Variants in PCDHA7 observed in about 807,000 individuals in gnomAD.
PCDHA7 encodes the protein protocadherin alpha-7.
Under a neutral mutation model 57.2 loss-of-function variants are expected in PCDHA7, and 37 were observed. That is an observed-to-expected ratio of 0.65 (90% confidence interval 0.50 to 0.85). The LOEUF (loss-of-function observed/expected upper bound fraction) is 0.85. PCDHA7 is among the 40% of genes least tolerant of loss of function. The pLI is 0.00. For missense variants in PCDHA7, 1,188 were observed against 1,241.8 expected, an observed-to-expected ratio of 0.96 and a Z score of 0.65; for synonymous variants, 553 against 558.8, an observed-to-expected ratio of 0.99 and a Z score of 0.15.
rs1554262683 is a variant in PCDHA7 at position 141,010,108 on chromosome 5, G to A, written c.*171G>A. 23 of 1,611,296 alleles carry A rather than the reference G, an allele frequency of 1.4e-5. No homozygotes were observed. Among genetic ancestry groups the A allele is most frequent in the East Asian group, 4.5e-5 (2 of 44,852 alleles). On this transcript the variant is annotated 3_prime_UTR_variant, in exon 4 of 4. Transcript: ENST00000525929. ...TAGAACGCATTTAACAGGTTTTGTC[G>A]TAAAAGCTTTACTAAGTCTGGTGTT...
At position 140,967,456 on chromosome 5, in the gene PCDHA7, G is replaced by A. The variant is rs781877104; in HGVS notation, c.2356-11493G>A. On this transcript the variant is annotated intron_variant, in intron 1 of 3. Transcript: ENST00000525929. The stretch of plus-strand genomic sequence containing the variant: ...TGCACCACCTGGTTCTCACAGCCGT[G>A]GATGGGGGCATCCCAGCCCGCTCGG... 4.3e-6 allele frequency: 7 copies of A among 1,613,480 alleles called. No homozygotes were observed. The South Asian group carries it at 6.6e-5, about 15-fold the overall frequency.
In PCDHA7 at chr5:140,867,382, C is replaced by T. The variant is rs1201158672; in HGVS notation, c.2355+30644C>T. ...TTTTACAGATGCGTAATGGAATTAA[C>T]GGTTATAAAAGTTGATATGTCTCCT... On this transcript the variant is annotated intron_variant, in intron 1 of 3. Coordinates refer to ENST00000525929, the MANE Select transcript of PCDHA7 (RefSeq NM_018910.3). The T allele has an allele frequency of 4.6e-5, 7 of 152,006 alleles. No individual in the cohort carries two copies. In the East Asian group the frequency reaches 7.7e-4, roughly 17 times the overall value. 9.4% of individuals were successfully genotyped at this position (152,006 alleles called of 1,614,324 possible).
intron 1 of PCDHA7, chr5:140,869,869 G>T: frequency 6.2e-7 from 1 of 1,610,244 alleles, no homozygotes; most frequent in Non-Finnish European, 8.5e-7. Flanking sequence ...GGAAAATGCT[G>T]CTAAAGAAAC....
At chr5:140,841,378 G>A in intron 1 of PCDHA7, 1 of 1,613,450 alleles carries the variant, frequency 6.2e-7, no homozygotes, top group Non-Finnish European at 8.5e-7. Context: ...TCTTGCTTCT[G>A]CTCCTCGCAG....
At chr5:140,913,969 AT>A (rs1304513966) in intron 1 of PCDHA7, among the ~76,000 whole-genome samples, 3 of 152,098 alleles carry the variant, frequency 2.0e-5, no homozygotes, top group Admixed American at 2.0e-4. Context: ...TTAAAAAAAT[AT>A]TTTAGGACTT....
At chr5:140,873,665 A>G (rs1554166831) in intron 1 of PCDHA7, among the ~76,000 whole-genome samples, 1 of 152,034 alleles carries the variant, frequency 6.6e-6, no homozygotes. Flanking sequence ...CACTATTATT[A>G]TTTGTTTCTT....
intron 1 of PCDHA7, among the ~76,000 whole-genome samples, chr5:140,941,202 CCTTTCTTTCTTCCTTTCTTT>C (rs1442425625): frequency 7.3e-5 from 9 of 122,742 alleles, no homozygotes; most frequent in Non-Finnish European, 1.3e-4. Context: ...TTTCTTTCTT[CCTTTCTTTCTTCCTTTCTTT>C]CTTTCTTTCT....
rs1349053689 is a variant in PCDHA7 at position 140,855,989 on chromosome 5, A to C, written c.2355+19251A>C. The C allele has an allele frequency of 3.4e-6, 5 of 1,484,810 alleles. No homozygotes were observed. The African/African-American group carries it at 7.0e-5, about 21-fold the overall frequency. The allele number at this position is 1,484,810 out of a possible 1,614,324, so 92.0% of individuals were successfully genotyped here. ...TATAAGAAATAGGACAGAAAATGTCAGATCGTATGTGCGTTCTAGACCGCT... is the reference window on the plus strand; with the variant it reads ...TATAAGAAATAGGACAGAAAATGTCCGATCGTATGTGCGTTCTAGACCGCT... On this transcript the variant is annotated intron_variant, in intron 1 of 3. Transcript: ENST00000525929.
At chr5:140,841,819 C>T (rs2150323482) in intron 1 of PCDHA7, 6 of 1,613,756 alleles carry the variant, frequency 3.7e-6, no homozygotes, top group South Asian at 2.2e-5. Context: ...GAGCTAACTC[C>T]GTGTTAACCT....
At chr5:140,882,717 C>T (rs1311295002) in intron 1 of PCDHA7, 1 of 1,614,102 alleles carries the variant, frequency 6.2e-7, no homozygotes, top group Non-Finnish European at 8.5e-7. Context: ...CCTCCGGAAA[C>T]TCGATTTCCA....
chr5:140,838,732 T>G (rs2150291924), intron 1 of PCDHA7, among the ~76,000 whole-genome samples: 1 of 152,114 alleles, frequency 6.6e-6, no homozygotes, highest in African/African-American at 2.4e-5. Context: ...GTCTAGTAGT[T>G]TGAGACCAGC....
At chr5:140,839,492 T>A (rs1240592123) in intron 1 of PCDHA7, among the ~76,000 whole-genome samples, 2 of 151,944 alleles carry the variant, frequency 1.3e-5, no homozygotes, top group Non-Finnish European at 2.9e-5. Context: ...TGGGCTCAAG[T>A]GATCTTCCTA....
rs2150269223 is a variant in PCDHA7, at chr5:140,836,753, A to C, written c.2355+15A>C. 1 of 1,578,360 alleles carries C rather than the reference A, an allele frequency of 6.3e-7. No individual in the cohort carries two copies. The highest frequency in any genetic ancestry group is 1.2e-5 in the South Asian group (1 of 84,926). Reference sequence around the variant, plus strand: ...CTACAGACAATGTGAGTCATAAATAATCTTGTTTCCAACAATTTTAAAACA... The same window carrying C: ...CTACAGACAATGTGAGTCATAAATACTCTTGTTTCCAACAATTTTAAAACA... On this transcript the variant is annotated intron_variant, in intron 1 of 3. Coordinates refer to ENST00000525929, the MANE Select transcript of PCDHA7 (RefSeq NM_018910.3).
intron 1 of PCDHA7, among the ~76,000 whole-genome samples, chr5:140,889,202 T>G (rs1329949873): frequency 6.6e-6 from 1 of 151,910 alleles, no homozygotes; most frequent in Non-Finnish European, 1.5e-5. Context: ...ACTTGAATAC[T>G]TAACAAAGAA....
intron 1 of PCDHA7, chr5:140,870,834 C>G: frequency 6.2e-7 from 1 of 1,613,806 alleles, no homozygotes; most frequent in Non-Finnish European, 8.5e-7. Context: ...GCGCAGTTAA[C>G]AAGCTAGTAC....
chr5:140,882,072 T>A (rs1340000642), intron 1 of PCDHA7: 5 of 861,462 alleles, frequency 5.8e-6, no homozygotes, highest in Non-Finnish European at 7.0e-6. Flanking sequence ...TTCATGCGCA[T>A]GGTGTCGCTC....
chr5:141,007,775 A>G (rs1156577699), intron 3 of PCDHA7, among the ~76,000 whole-genome samples: 2 of 152,216 alleles, frequency 1.3e-5, no homozygotes, highest in Non-Finnish European at 2.9e-5. Context: ...TGGAAATGGT[A>G]CTGCTTTACA....
At chr5:140,935,732 A>G (rs933243274) in intron 1 of PCDHA7, among the ~76,000 whole-genome samples, 3 of 152,212 alleles carry the variant, frequency 2.0e-5, no homozygotes, top group African/African-American at 4.8e-5. Flanking sequence ...GAAGTCTAGT[A>G]TCTATTATTC....
chr5:140,895,647 C>T (rs954657912), intron 1 of PCDHA7, among the ~76,000 whole-genome samples: 1 of 151,996 alleles, frequency 6.6e-6, no homozygotes, highest in African/African-American at 2.4e-5. Context: ...TTTTTAGCTC[C>T]CACTTATAAG....
Sources: allele counts gnomAD v4.1 joint callset (sites outside exome capture counted in the v4.1 genomes callset), GRCh38; gene constraint gnomAD v4.1.1; transcripts MANE v1.5; gene names NCBI Gene and HGNC (gene_info 2026-07-23, HGNC 2026-07-21).